The following ZNF384 variants were observed in gnomAD, a reference collection of about 807,000 sequenced individuals.
ZNF384 encodes the protein CAG repeat protein 1.
In ZNF384, 20 loss-of-function variants were observed where a neutral mutation model predicts 65.0. The ratio of observed to expected loss-of-function variants is 0.31; its 90% CI spans 0.22 to 0.45. The LOEUF is 0.45. Ranked by LOEUF, ZNF384 falls within the 20% of genes least tolerant of loss-of-function variation. The pLI is 1.00. For missense variants in ZNF384, 549 were observed against 769.4 expected (o/e 0.71, Z 3.39); for synonymous variants, 310 against 303.9 (o/e 1.02, Z -0.21).
At position 6,667,639 on chromosome 12, in the gene ZNF384, T is replaced by C. The variant is rs989714156; in HGVS notation, c.*75A>G. The stretch of plus-strand genomic sequence containing the variant: ...AGGCCTGTCAAGGAAGAAAAGGACT[T>C]TTCCCACCAAGAGTTGGAGAAAGAA... On this transcript the variant is annotated 3_prime_UTR_variant, in exon 12 of 12. Transcript: ENST00000683879. 7 of 1,602,980 alleles carry C rather than the reference T, an allele frequency of 4.4e-6. No individual in the cohort carries two copies. The highest frequency in any genetic ancestry group is 2.7e-5 in the African/African-American group (2 of 74,722).
intron 2 of ZNF384, among the ~76,000 whole-genome samples, chr12:6,683,654 CCT>C (rs1956882666): frequency 7.2e-6 from 1 of 139,844 alleles, no homozygotes; most frequent in Non-Finnish European, 1.5e-5. Context: ...AGAGCAAGAC[CCT>C]GTCTCAAAAA....
At chr12:6,683,873 C>T (rs1409845883) in intron 2 of ZNF384, among the ~76,000 whole-genome samples, 1 of 151,396 alleles carries the variant, frequency 6.6e-6, no homozygotes, top group African/African-American at 2.4e-5. Context: ...AAATATTAGC[C>T]AGGCATGGTG....
chr12:6,677,093 C>T (rs988887495), intron 7 of ZNF384, 74 bp downstream of exon 7: 19 of 407,710 alleles, frequency 4.7e-5, no homozygotes, highest in African/African-American at 1.7e-4. Context: ...TCCCAACAAA[C>T]GGGAGGCATA....
At chr12:6,669,231 T>C (rs766240277) in intron 10 of ZNF384, 42 bp from the exon 11 acceptor site, 2 of 1,558,128 alleles carry the variant, frequency 1.3e-6, no homozygotes, top group Non-Finnish European at 8.7e-7. Context: ...CATTGTACTC[T>C]TTCCTCCTGC....
Position 6,677,190 on chromosome 12 carries a change from G to T in ZNF384, c.756C>A (p.Thr252=). 1 of 1,196,510 alleles carries T rather than the reference G, an allele frequency of 8.4e-7. No individual in the cohort carries two copies. Among genetic ancestry groups the T allele is most frequent in the Non-Finnish European group, 1.1e-6 (1 of 896,308 alleles). The allele number at this position is 1,196,510 out of a possible 1,614,324, so 74.1% of individuals were successfully genotyped here. The change falls in exon 7 of 12, where the codon ACC becomes ACA. Residue 252 remains threonine (T), a synonymous_variant. Coordinates refer to ENST00000683879, the MANE Select transcript of ZNF384 (RefSeq NM_001385745.1). ...LGLMDSVPGS[T]TNLLCDPGCR... ...GCCCAGGGTCACACAGCAAATTCGTGGTGGAGCCGGGAACTGAATCCATGA... is the reference window on the plus strand; with the variant it reads ...GCCCAGGGTCACACAGCAAATTCGTTGTGGAGCCGGGAACTGAATCCATGA...
intron 2 of ZNF384, among the ~76,000 whole-genome samples, chr12:6,686,678 T>A (rs1293396901): frequency 6.6e-6 from 1 of 152,164 alleles, no homozygotes; most frequent in East Asian, 1.9e-4. Flanking sequence ...GAGGCCTGTA[T>A]AAATAAGTTT....
chr12:6,671,371 A>C (rs145502322), intron 9 of ZNF384: 4 of 154,330 alleles, frequency 2.6e-5, no homozygotes, highest in African/African-American at 7.2e-5. Context: ...CAGCCCCCTA[A>C]TGACAGGAAA....
chr12:6,679,052 A>C lies in ZNF384; in HGVS notation c.198T>G (p.Ser66Arg). The change falls in exon 4 of 12, where the codon AGT (serine) becomes AGG (arginine). Residue 66 changes from serine to arginine, a missense_variant. By Grantham distance (110) the Ser-to-Arg change is moderately radical. Coordinates refer to ENST00000683879, the MANE Select transcript of ZNF384 (RefSeq NM_001385745.1). ...GGTCTGACTTGGACTCTGTGTCCAT[A>C]CTGATGCCTGAGGGCAGGGACACTG... ...PASVSLPSGI[S>R]MDTESKSDQL... 1 of 1,614,006 alleles carries C rather than the reference A, an allele frequency of 6.2e-7. No individual in the cohort carries two copies.
At chr12:6,685,911 GAAGA>G (rs767426898) in intron 2 of ZNF384, among the ~76,000 whole-genome samples, 6 of 151,112 alleles carry the variant, frequency 4.0e-5, no homozygotes, top group Admixed American at 1.3e-4. Flanking sequence ...AGGAGATAAA[GAAGA>G]GAGACACTAT....
rs1246553855 is a variant in ZNF384 at position 6,673,025 on chromosome 12, G to A, written c.1004+191C>T. 1.6e-5 allele frequency: 10 copies of A among 610,724 alleles called. No individual in the cohort carries two copies. The highest frequency in any genetic ancestry group is 2.9e-5 in the Non-Finnish European group (10 of 348,550). 37.8% of individuals were successfully genotyped at this position (610,724 alleles called of 1,614,324 possible). A position where few individuals can be genotyped will look rare whatever the true frequency, so the allele number is the denominator to read the frequency against. On this transcript the variant is annotated intron_variant, in intron 8 of 11. Transcript: ENST00000683879. The surrounding 1 kb of genome is among the most constrained non-coding windows in gnomAD (Gnocchi z 4.7). ...AAAATTGTTCCAGACTTTGGAATTG[G>A]AGACCACAATTTTCAAGGCCCCCCA... is the stretch of plus-strand genomic sequence containing the variant.
intron 6 of ZNF384, among the ~76,000 whole-genome samples, chr12:6,677,823 A>C (rs1279314176): frequency 6.6e-6 from 1 of 152,220 alleles, no homozygotes; most frequent in Non-Finnish European, 1.5e-5. Context: ...CAAGAGTCTC[A>C]AACCCAGCAT....
chr12:6,668,032 T>C lies in ZNF384; in HGVS notation c.1509A>G (p.Ala503=). ...QQVQAAAAAA[A]VAQAQAQAQA... ...GAGCTTGAGCCTGGGCCTGGGCCAC[T>C]GCTGCCGCTGCTGCTGCTGCCTGCA... is the stretch of plus-strand genomic sequence containing the variant. Residue 503 remains alanine, a synonymous_variant, in exon 12 of 12, where the codon GCA becomes GCG. Coordinates refer to ENST00000683879, the MANE Select transcript of ZNF384 (RefSeq NM_001385745.1). The C allele has an allele frequency of 6.2e-7, 1 of 1,613,428 alleles. No individual in the cohort carries two copies. The highest frequency in any genetic ancestry group is 8.5e-7 in the Non-Finnish European group (1 of 1,179,538).
rs1353215970 is a variant in ZNF384 at position 6,667,974 on chromosome 12, C to A, written c.1567G>T (p.Ala523Ser). ...GATGCCTGGGAGGCCTGGGCCTGGG[C>A]CTGGGCTTGAGCCTGAGCCTGAGCC... ...AQAQAQAQAQ[A>S]QAQASQASQQ... The change falls in exon 12 of 12, where the codon GCC becomes TCC. Residue 523 changes from alanine to serine, a missense_variant. Coordinates refer to ENST00000683879, the MANE Select transcript of ZNF384 (RefSeq NM_001385745.1). 3 of 1,611,860 alleles carry A rather than the reference C, an allele frequency of 1.9e-6. No homozygotes were observed. Among genetic ancestry groups the A allele is most frequent in the Middle Eastern group, 1.7e-4 (1 of 6,042 alleles).
chr12:6,677,436 G>A (rs901307825), intron 6 of ZNF384, among the ~76,000 whole-genome samples, 177 bp from the exon 7 acceptor site: 1 of 152,170 alleles, frequency 6.6e-6, no homozygotes, highest in African/African-American at 2.4e-5. Context: ...TTCTCAAAGG[G>A]ATTAAAAGAT....
chr12:6,684,756 A>G (rs2137314019), intron 2 of ZNF384, among the ~76,000 whole-genome samples: 1 of 152,340 alleles, frequency 6.6e-6, no homozygotes, highest in South Asian at 2.1e-4. Context: ...GATGAGGCTG[A>G]CTTCATCTTT....
At chr12:6,677,850 A>G (rs1954280605) in intron 6 of ZNF384, among the ~76,000 whole-genome samples, 1 of 152,206 alleles carries the variant, frequency 6.6e-6, no homozygotes, top group Non-Finnish European at 1.5e-5. Flanking sequence ...TTATTACAAG[A>G]GAGAAATTCT....
Position 6,672,332 on chromosome 12 carries a change from C to G in ZNF384, c.1187+18G>C. On this transcript the variant is annotated intron_variant, in intron 9 of 11. Transcript: ENST00000683879. This position sits in a 1 kb window ranked among gnomAD's most constrained non-coding sequence, Gnocchi z 4.4. ...CATGCCAGCGGGGCGGGGTCAGTAG[C>G]CCGCCACTCTCCCTTACCGTGTGTG... 1 of 1,608,406 alleles carries G rather than the reference C, an allele frequency of 6.2e-7. No individual in the cohort carries two copies. The highest frequency in any genetic ancestry group is 8.5e-7 in the Non-Finnish European group (1 of 1,177,054).
At position 6,678,469 on chromosome 12, in the gene ZNF384, G is replaced by T; in HGVS notation, c.353-9C>A. On this transcript the variant is annotated splice_polypyrimidine_tract_variant and intron_variant, in intron 5 of 11. Transcript: ENST00000683879. The surrounding 1 kb of genome is among the most constrained non-coding windows in gnomAD (Gnocchi z 4.9). ...GATTACCAAACCCGGACCTAGGATT[G>T]GGAGAAAAAGGAGATGGCGTCATGT... 6.4e-7 allele frequency: 1 copy of T among 1,570,426 alleles called. No homozygotes were observed.
At chr12:6,680,853 A>G (rs1471264126) in intron 2 of ZNF384, among the ~76,000 whole-genome samples, 1 of 152,126 alleles carries the variant, frequency 6.6e-6, no homozygotes, top group African/African-American at 2.4e-5. Context: ...TTCCAAAGGG[A>G]TGCAGAATAG....
Sources: gnomAD v4.1 joint callset for allele counts (sites outside exome capture counted in the v4.1 genomes callset) on GRCh38, gnomAD v4.1.1 for gene constraint, Gnocchi (gnomAD v3.1) non-coding constraint, MANE v1.5 for transcripts, NCBI Gene and HGNC (gene_info 2026-07-23, HGNC 2026-07-21) for gene names.